The following CDH13 variants were observed in gnomAD, a reference collection of about 807,000 sequenced individuals.
The protein encoded by CDH13 is cadherin-13.
A neutral mutation model predicts 63.8 loss-of-function variants in CDH13; 24 were observed. The ratio of observed to expected loss-of-function variants is 0.38; its 90% CI spans 0.27 to 0.53. CDH13 has a LOEUF of 0.53. Ranked by LOEUF, CDH13 falls within the 20% of genes least tolerant of loss-of-function variation. CDH13 has a pLI of 0.85. For missense variants in CDH13, 1,049 were observed against 903.1 expected (o/e 1.16, Z -2.07); for synonymous variants, 503 against 355.3 (o/e 1.42, Z -4.67).
At chr16:82,856,374 CAAAAAA>C (rs71382852) in intron 1 of CDH13, among the ~76,000 whole-genome samples, 1 of 95,892 alleles carries the variant, frequency 1.0e-5, no homozygotes, top group Non-Finnish European at 2.0e-5. Context: ...GACTCCATCT[CAAAAAA>C]AAAAAAAAAG....
intron 6 of CDH13, among the ~76,000 whole-genome samples, chr16:83,459,822 A>G (rs2073129204): frequency 6.6e-6 from 1 of 152,248 alleles, no homozygotes; most frequent in Non-Finnish European, 1.5e-5. Flanking sequence ...CAAAAAGTGT[A>G]GAATGGAGTA....
chr16:82,911,239 G>T (rs2041819554), intron 2 of CDH13, among the ~76,000 whole-genome samples: 2 of 152,158 alleles, frequency 1.3e-5, no homozygotes, highest in South Asian at 4.1e-4. Flanking sequence ...GGCATAATGT[G>T]GTCTGTGTGA....
At position 83,192,724 on chromosome 16, in the gene CDH13, T is replaced by C. The variant is rs1268583489; in HGVS notation, c.484-24621T>C. Among the ~76,000 whole-genome samples the C allele has an allele frequency of 3.3e-5, 5 of 152,230 alleles. No homozygotes were observed. The East Asian group carries it at 9.7e-4, about 29-fold the overall frequency. On this transcript the variant is annotated intron_variant, in intron 4 of 13. Transcript: ENST00000567109. The stretch of plus-strand genomic sequence containing the variant: ...CCAAGCCGTTCCCATGGCTGTGAAT[T>C]CCGGGAAGTTGAGGGACTATACAGA...
At chr16:83,066,287 G>C (rs923367851) in intron 3 of CDH13, among the ~76,000 whole-genome samples, 1 of 152,186 alleles carries the variant, frequency 6.6e-6, no homozygotes, top group South Asian at 2.1e-4. Context: ...AGCTTCCTAA[G>C]ACATGAGACT....
chr16:83,635,819 A>G (rs1269037357), intron 8 of CDH13, among the ~76,000 whole-genome samples: 2 of 152,142 alleles, frequency 1.3e-5, no homozygotes, highest in African/African-American at 4.8e-5. Flanking sequence ...TGCAAGTCCA[A>G]TTTATACTTT....
At chr16:82,736,171 A>C (rs1466299174) in intron 1 of CDH13, among the ~76,000 whole-genome samples, 1 of 152,176 alleles carries the variant, frequency 6.6e-6, no homozygotes, top group Non-Finnish European at 1.5e-5. Context: ...AAAATCTCGA[A>C]GCCACTTGTT....
At chr16:83,376,004 G>T (rs1401756699) in intron 6 of CDH13, among the ~76,000 whole-genome samples, 3 of 152,122 alleles carry the variant, frequency 2.0e-5, no homozygotes. Context: ...TTATTTAAAG[G>T]ACCAAGAGGA....
chr16:83,676,155 G>C (rs1031231430), intron 9 of CDH13, among the ~76,000 whole-genome samples: 20 of 152,210 alleles, frequency 1.3e-4, no homozygotes, highest in African/African-American at 4.8e-4. Context: ...AAGGAGCTGA[G>C]CGGCACAAAT....
chr16:83,267,196 A>G (rs1907727030), intron 5 of CDH13, among the ~76,000 whole-genome samples: 1 of 152,176 alleles, frequency 6.6e-6, no homozygotes, highest in Admixed American at 6.5e-5. Context: ...GTTGTAAACA[A>G]AGAGGAAAAT....
intron 1 of CDH13, among the ~76,000 whole-genome samples, chr16:82,760,694 C>T (rs757220380): frequency 3.3e-5 from 5 of 152,168 alleles, no homozygotes; most frequent in East Asian, 1.9e-4. Flanking sequence ...TTTACAGAAA[C>T]GAGGTTTATT....
chr16:83,098,021 C>A (rs1042869854), intron 3 of CDH13, among the ~76,000 whole-genome samples: 61 of 152,058 alleles, frequency 4.0e-4, no homozygotes, highest in African/African-American at 1.4e-3. Flanking sequence ...AATGAGACTT[C>A]AGGGCAGGAA....
rs1320413279 is a variant in CDH13 at position 83,501,825 on chromosome 16, T to C, written c.960+15170T>C. Among the ~76,000 whole-genome samples, 7 of 152,242 alleles carry C rather than the reference T, an allele frequency of 4.6e-5. No homozygotes were observed. The East Asian group carries it at 1.3e-3, about 29-fold the overall frequency. On this transcript the variant is annotated intron_variant, in intron 7 of 13. Transcript: ENST00000567109. ...GTCTCAAGGACAACTTTATCTTTTA[T>C]CAGACTCATTTCAGGGATTTCTGTA...
intron 7 of CDH13, among the ~76,000 whole-genome samples, chr16:83,571,528 T>G (rs950791555): frequency 2.0e-5 from 3 of 152,250 alleles, no homozygotes; most frequent in African/African-American, 7.2e-5. Flanking sequence ...GAACACGAGA[T>G]AACAGGCCCC....
At chr16:83,000,170 T>C (rs967397888) in intron 2 of CDH13, among the ~76,000 whole-genome samples, 1 of 150,772 alleles carries the variant, frequency 6.6e-6, no homozygotes, top group Admixed American at 6.6e-5. Context: ...TACATCTTAT[T>C]GGGCAATTCT....
At chr16:82,805,566 G>C (rs1003376772) in intron 1 of CDH13, among the ~76,000 whole-genome samples, 45 of 152,184 alleles carry the variant, frequency 3.0e-4, no homozygotes, top group African/African-American at 1.0e-3. Context: ...GTTGAGGACT[G>C]CAATGAGAGA....
At chr16:83,379,012 C>A (rs963764827) in intron 6 of CDH13, among the ~76,000 whole-genome samples, 3 of 146,074 alleles carry the variant, frequency 2.1e-5, no homozygotes, top group Non-Finnish European at 4.7e-5. Context: ...TATATACACA[C>A]ACACACACAC....
intron 4 of CDH13, chr16:83,181,006 A>T: frequency 6.6e-7 from 1 of 1,525,308 alleles, no homozygotes; most frequent in Non-Finnish European, 8.8e-7. Context: ...AATAAATCAC[A>T]AACATTTTAC....
At chr16:83,499,947 C>T (rs1047664237) in intron 7 of CDH13, among the ~76,000 whole-genome samples, 6 of 152,056 alleles carry the variant, frequency 3.9e-5, no homozygotes, top group Admixed American at 1.3e-4. Context: ...GGATTACAGG[C>T]GCCTGCCACC....
chr16:83,237,725 T>C (rs1194683584), intron 5 of CDH13, among the ~76,000 whole-genome samples: 1 of 152,230 alleles, frequency 6.6e-6, no homozygotes, highest in Non-Finnish European at 1.5e-5. Context: ...AGTTGTTTAA[T>C]CGTGAACTTT....
Sources: allele counts gnomAD v4.1 joint callset (sites outside exome capture counted in the v4.1 genomes callset), GRCh38; gene constraint gnomAD v4.1.1; transcripts MANE v1.5; gene names NCBI Gene and HGNC (gene_info 2026-07-23, HGNC 2026-07-21).